ABCB5: variants seen among roughly 807,000 people sequenced by gnomAD.
ABCB5 encodes ATP binding cassette subfamily B member 5, also known as ATP-binding cassette sub-family B member 5.
In ABCB5, 155 loss-of-function variants were observed where a neutral mutation model predicts 144.2. That is an observed-to-expected ratio of 1.08 (90% CI 0.94 to 1.23). The LOEUF (loss-of-function observed/expected upper bound fraction) is 1.23, where lower values mean the gene tolerates loss of function less well. Ranked by LOEUF, ABCB5 falls within the 50% of genes most tolerant of loss-of-function variation. ABCB5 has a pLI of 0.00. For missense variants in ABCB5, 1,830 were observed against 1,520.8 expected, an observed-to-expected ratio of 1.20 and a Z score of -3.38; for synonymous variants, 610 against 528.6, an observed-to-expected ratio of 1.15 and a Z score of -2.11.
intron 15 of ABCB5, among the ~76,000 whole-genome samples, chr7:20,684,990 G>C (rs1785947996): frequency 6.6e-6 from 1 of 152,150 alleles, no homozygotes; most frequent in African/African-American, 2.4e-5. Context: ...CAAATGAACA[G>C]AGAATCTGTA....
intron 7 of ABCB5, among the ~76,000 whole-genome samples, chr7:20,644,445 A>G (rs1269291724): frequency 1.3e-5 from 2 of 152,320 alleles, no homozygotes; most frequent in Middle Eastern, 3.4e-3. Context: ...ATTTTTATGT[A>G]CTACACAAAT....
At chr7:20,631,564 G>C (rs1784038927) in intron 4 of ABCB5, among the ~76,000 whole-genome samples, 1 of 152,108 alleles carries the variant, frequency 6.6e-6, no homozygotes, top group Admixed American at 6.6e-5. Flanking sequence ...AAAGTTTACA[G>C]AGAAAACTTA....
intron 5 of ABCB5, among the ~76,000 whole-genome samples, chr7:20,636,787 A>AG (rs1401992204): frequency 7.5e-6 from 1 of 133,732 alleles, no homozygotes; most frequent in Non-Finnish European, 1.5e-5. Context: ...TCCATCAAAA[A>AG]AAAAAAAAAA....
chr7:20,672,329 T>G (rs1785475829), intron 14 of ABCB5, among the ~76,000 whole-genome samples: 1 of 126,218 alleles, frequency 7.9e-6, no homozygotes, highest in African/African-American at 5.0e-5. Context: ...ATTTATTAGT[T>G]TTTTTTTTTT....
intron 14 of ABCB5, among the ~76,000 whole-genome samples, chr7:20,668,727 G>T (rs1760556424): frequency 6.9e-6 from 1 of 144,852 alleles, no homozygotes; most frequent in Non-Finnish European, 1.5e-5. Flanking sequence ...GAGGTGGGGG[G>T]GTCAGCCCCC....
intron 20 of ABCB5, among the ~76,000 whole-genome samples, chr7:20,714,735 G>A (rs10280354): frequency 0.028 from 4,304 of 152,196 alleles, 183 homozygotes; most frequent in African/African-American, 0.094. Flanking sequence ...GAAAACCCAA[G>A]CTTATTAAGC....
chr7:20,661,746 G>A (rs1028399514), intron 14 of ABCB5, among the ~76,000 whole-genome samples: 3 of 151,746 alleles, frequency 2.0e-5, no homozygotes, highest in Admixed American at 1.3e-4. Flanking sequence ...TGTTGGTCAG[G>A]CTGGTCTTGA....
intron 4 of ABCB5, among the ~76,000 whole-genome samples, chr7:20,631,042 G>C (rs1784025979): frequency 6.6e-6 from 1 of 152,160 alleles, no homozygotes; most frequent in Admixed American, 6.6e-5. Flanking sequence ...GAGGATAATA[G>C]AGCAGGATTA....
At chr7:20,733,831 G>A (rs1336339311) in intron 23 of ABCB5, among the ~76,000 whole-genome samples, 4 of 151,942 alleles carry the variant, frequency 2.6e-5, no homozygotes, top group Non-Finnish European at 5.9e-5. Flanking sequence ...GTGGAGACCA[G>A]ATTTCACCAT....
Position 20,723,037 on chromosome 7 carries a change from G to A in ABCB5, c.2443G>A (p.Val815Ile), listed in dbSNP as rs558132589. 3.8e-5 allele frequency: 62 copies of A among 1,613,882 alleles called. No individual in the cohort carries two copies. The highest frequency in any genetic ancestry group is 6.7e-5 in the Admixed American group (4 of 59,982). ...IQGATGSRIG[V>I]LTQNATNMGL... is the part of the protein sequence containing the mutation. ...ATAGGCAACAGGTTCCAGGATTGGC[G>A]TCTTAACACAAAATGCAACTAACAT... is the stretch of plus-strand genomic sequence containing the variant. Residue 815 changes from valine (V) to isoleucine (I), a missense_variant, in exon 21 of 28, where the codon GTC (valine) becomes ATC (isoleucine). Val to Ile is a conservative substitution (Grantham distance 29, BLOSUM62 3). Coordinates refer to ENST00000404938, the MANE Select transcript of ABCB5 (RefSeq NM_001163941.2).
At chr7:20,699,738 A>T in intron 17 of ABCB5, 87 bp from the exon 18 acceptor site, 1 of 842,360 alleles carries the variant, frequency 1.2e-6, no homozygotes, top group African/African-American at 1.7e-5. Flanking sequence ...AATGTATTTT[A>T]AAACTCCTGA....
chr7:20,747,344 C>T (rs1782759873), intron 26 of ABCB5, among the ~76,000 whole-genome samples: 2 of 152,182 alleles, frequency 1.3e-5, no homozygotes, highest in African/African-American at 2.4e-5. Flanking sequence ...GTTCTTGGTT[C>T]ACTGCAGCCT....
At position 20,650,956 on chromosome 7, in the gene ABCB5, C is replaced by T. The variant is rs111690202; in HGVS notation, c.1333-464C>T. 1.3e-3 allele frequency among the ~76,000 whole-genome samples: 195 copies of T among 152,240 alleles called. 1 individual carries two copies. Among genetic ancestry groups the T allele is most frequent in the African/African-American group, 4.1e-3 (172 of 41,530 alleles). ...TTGGGGTAATTGGCAATGGCACCACCCGTGGAGAAGCCAGAGGTCACTTAT... is the reference window on the plus strand; with the variant it reads ...TTGGGGTAATTGGCAATGGCACCACTCGTGGAGAAGCCAGAGGTCACTTAT... On this transcript the variant is annotated intron_variant, in intron 12 of 27. Coordinates refer to ENST00000404938, the MANE Select transcript of ABCB5 (RefSeq NM_001163941.2).
chr7:20,700,156 T>A (rs748053767), intron 19 of ABCB5, 21 bp downstream of exon 19: 1 of 1,547,084 alleles, frequency 6.5e-7, no homozygotes, highest in South Asian at 1.2e-5. Context: ...AGTTGATTTT[T>A]TTTTTATTTT....
chr7:20,707,757 G>C (rs1786865487), intron 20 of ABCB5, among the ~76,000 whole-genome samples: 2 of 145,956 alleles, frequency 1.4e-5, no homozygotes, highest in South Asian at 4.4e-4. Flanking sequence ...GAGTTTACTA[G>C]TTAGAACTAA....
chr7:20,734,316 C>A (rs1260739815), intron 23 of ABCB5, among the ~76,000 whole-genome samples: 1 of 151,614 alleles, frequency 6.6e-6, no homozygotes, highest in Non-Finnish European at 1.5e-5. Context: ...TACTAGAATT[C>A]TTCTTAGATA....
chr7:20,652,429 G>T (rs572776916), intron 13 of ABCB5, among the ~76,000 whole-genome samples: 1 of 152,292 alleles, frequency 6.6e-6, no homozygotes, highest in East Asian at 1.9e-4. Flanking sequence ...AATTAGCTGG[G>T]TGTGGTGGCG....
chr7:20,657,118 A>T (rs1784829822), intron 13 of ABCB5, among the ~76,000 whole-genome samples: 2 of 151,860 alleles, frequency 1.3e-5, no homozygotes, highest in Admixed American at 1.3e-4. Flanking sequence ...CATGTTGCCC[A>T]GGCTGGTGTC....
chr7:20,718,659 A>AT (rs1033154722), intron 20 of ABCB5, among the ~76,000 whole-genome samples: 1 of 152,044 alleles, frequency 6.6e-6, no homozygotes, highest in African/African-American at 2.4e-5. Flanking sequence ...GAAGATGCTA[A>AT]TTTTTTTATA....
Sources: allele counts gnomAD v4.1 joint callset (sites outside exome capture counted in the v4.1 genomes callset), GRCh38; gene constraint gnomAD v4.1.1; transcripts MANE v1.5; gene names NCBI Gene and HGNC (gene_info 2026-07-23, HGNC 2026-07-21).